DNAH10: variants seen among roughly 807,000 people sequenced by gnomAD.
DNAH10 encodes dynein axonemal heavy chain 10, also known as axonemal beta dynein heavy chain 10.
Under a neutral mutation model 506.6 loss-of-function variants are expected in DNAH10, and 348 were observed. The observed-to-expected ratio is 0.69, with a 90% CI of 0.63 to 0.75. DNAH10 has a LOEUF of 0.75. Ranked by LOEUF, DNAH10 falls within the 30% of genes least tolerant of loss-of-function variation. The pLI is 0.00. For synonymous variants in DNAH10, 2,059 were observed against 2,198.6 expected (o/e 0.94, Z 1.78); for missense variants, 5,179 against 5,787.1 (o/e 0.89, Z 3.41).
chr12:123,921,713 T>G (rs1353551752), intron 65 of DNAH10, among the ~76,000 whole-genome samples: 19 of 127,848 alleles, frequency 1.5e-4, no homozygotes, highest in African/African-American at 4.3e-4. Context: ...TTTTTTTTTT[T>G]TTTTTTTTTT....
Position 123,903,025 on chromosome 12 carries a change from G to T in DNAH10, c.9727G>T (p.Glu3243Ter), listed in dbSNP as rs757406131. Residue 3243 changes from glutamate (E) to a stop codon, truncating the protein, a stop_gained, in exon 57 of 79, where the codon GAG becomes TAG. Coordinates refer to ENST00000673944, the MANE Select transcript of DNAH10 (RefSeq NM_001372106.1). LOFTEE classifies it high-confidence loss of function. The surrounding 1 kb of genome is among the most constrained non-coding windows in gnomAD (Gnocchi z 4.6). ...CATTGCCATGGAGAAGGCCGAGGCCGAGACGACCCTGGCAGAGGTCATGCC... is the reference window on the plus strand; with the variant it reads ...CATTGCCATGGAGAAGGCCGAGGCCTAGACGACCCTGGCAGAGGTCATGCC... ...KVIAMEKAEA[E>*]TTLAEVMPIL... The T allele has an allele frequency of 6.2e-7, 1 of 1,606,360 alleles. No homozygotes were observed. The highest frequency in any genetic ancestry group is 8.5e-7 in the Non-Finnish European group (1 of 1,176,636).
At chr12:123,820,947 G>A (rs1959332668) in intron 24 of DNAH10, among the ~76,000 whole-genome samples, 189 bp downstream of exon 24, 1 of 152,184 alleles carries the variant, frequency 6.6e-6, no homozygotes, top group Non-Finnish European at 1.5e-5. Context: ...CATTTGGGGT[G>A]TTGAAAAAGT....
At chr12:123,866,128 A>G in intron 41 of DNAH10, 55 bp downstream of exon 41, 1 of 1,434,076 alleles carries the variant, frequency 7.0e-7, no homozygotes, top group South Asian at 1.4e-5. Flanking sequence ...GGCTAGTTGG[A>G]TAACATAGTC....
chr12:123,925,323 T>C lies in DNAH10; in HGVS notation c.11921+119T>C. ...GCTCCCGAGACAGCTGTCGCCACCC[T>C]GCTGTACAATATTCGATAGCCGATA... On this transcript the variant is annotated intron_variant, in intron 68 of 78. Coordinates refer to ENST00000673944, the MANE Select transcript of DNAH10 (RefSeq NM_001372106.1). This position sits in a 1 kb window ranked among gnomAD's most constrained non-coding sequence, Gnocchi z 4.0. 7.7e-7 allele frequency: 1 copy of C among 1,306,794 alleles called. No homozygotes were observed. 80.9% of individuals were successfully genotyped at this position (1,306,794 alleles called of 1,614,324 possible). A position where few individuals can be genotyped will look rare whatever the true frequency, so the allele number is the denominator to read the frequency against.
intron 27 of DNAH10, among the ~76,000 whole-genome samples, chr12:123,833,660 A>G (rs1960814375): frequency 2.6e-5 from 4 of 152,300 alleles, no homozygotes; most frequent in Middle Eastern, 3.4e-3. Context: ...CCTTGATGAC[A>G]CTGAAAATTA....
intron 50 of DNAH10, among the ~76,000 whole-genome samples, chr12:123,880,972 A>C (rs2137062365): frequency 6.6e-6 from 1 of 152,108 alleles, no homozygotes; most frequent in Non-Finnish European, 1.5e-5. Flanking sequence ...CCTACAAAGG[A>C]CATGAACTCA....
intron 15 of DNAH10, 139 bp from the exon 16 acceptor site, chr12:123,801,142 T>C (rs1958467256): frequency 2.5e-6 from 2 of 815,274 alleles, no homozygotes; most frequent in Non-Finnish European, 3.7e-6. Flanking sequence ...AGAAGAGTGA[T>C]GTTTTAAATT....
In DNAH10 at chr12:123,800,238, C is replaced by G; in HGVS notation, c.2312C>G (p.Pro771Arg). Reference protein sequence around the residue: ...LTKSSIATEEPSTLERGAVFA... With the variant: ...LTKSSIATEERSTLERGAVFA... Reference sequence around the variant, plus strand: ...CAGTCTTCCATCGCCACAGAGGAGCCTTCGACTTTAGAAAGGGGAGCTGTT... The same window carrying G: ...CAGTCTTCCATCGCCACAGAGGAGCGTTCGACTTTAGAAAGGGGAGCTGTT... Residue 771 changes from proline (P) to arginine (R), a missense_variant, in exon 15 of 79, where the codon CCT becomes CGT. Pro to Arg is a moderately radical substitution (Grantham distance 103). Around this residue, in one of 3 missense-constraint regions of DNAH10, gnomAD observed 4,844 missense variants for 5,430.5 expected, o/e 0.89. Transcript: ENST00000673944. The G allele has an allele frequency of 6.2e-7, 1 of 1,613,894 alleles. No homozygotes were observed. Among genetic ancestry groups the G allele is most frequent in the Non-Finnish European group, 8.5e-7 (1 of 1,179,926 alleles).
chr12:123,887,776 G>A (rs1391260644), intron 52 of DNAH10, among the ~76,000 whole-genome samples: 3 of 149,240 alleles, frequency 2.0e-5, no homozygotes, highest in East Asian at 2.0e-4. Flanking sequence ...ATAGAGTCTC[G>A]TTCTGTCTTC....
intron 57 of DNAH10, among the ~76,000 whole-genome samples, chr12:123,905,611 G>C (rs1041540546): frequency 6.6e-6 from 1 of 151,906 alleles, no homozygotes; most frequent in Non-Finnish European, 1.5e-5. Flanking sequence ...ATTTCTCTTA[G>C]TGTGAGTGAA....
Position 123,913,402 on chromosome 12 carries a change from C to T in DNAH10, c.10352+87C>T, listed in dbSNP as rs780434716. ...CTCGCCATGTTGATTCTTTATCTCA[C>T]GTTGTGTTTTTATGTGAAAACCATG... On this transcript the variant is annotated intron_variant, in intron 60 of 78. Transcript: ENST00000673944. The surrounding 1 kb of genome is among the most constrained non-coding windows in gnomAD (Gnocchi z 5.1). 1.5e-6 allele frequency: 2 copies of T among 1,376,068 alleles called. No individual in the cohort carries two copies. The highest frequency in any genetic ancestry group is 2.5e-5 in the East Asian group (1 of 39,652). 85.2% of individuals were successfully genotyped at this position (1,376,068 alleles called of 1,614,324 possible). A position where few individuals can be genotyped will look rare whatever the true frequency, so the allele number is the denominator to read the frequency against.
chr12:123,867,764 G>A, intron 42 of DNAH10, 139 bp from the exon 43 acceptor site: 2 of 1,317,890 alleles, frequency 1.5e-6, no homozygotes, highest in Non-Finnish European at 2.1e-6. Context: ...TCAAGATACT[G>A]GGTTCCATCT....
chr12:123,908,070 T>C (rs980265643), intron 57 of DNAH10, among the ~76,000 whole-genome samples: 9 of 130,502 alleles, frequency 6.9e-5, no homozygotes, highest in Admixed American at 5.9e-4. Context: ...TCAGGCTGTC[T>C]CCTCCCTGTC....
chr12:123,856,587 C>G (rs1338174781), intron 36 of DNAH10, among the ~76,000 whole-genome samples: 2 of 150,978 alleles, frequency 1.3e-5, no homozygotes, highest in Non-Finnish European at 2.9e-5. Context: ...CCACCTCAGC[C>G]TCCCAAAGTG....
chr12:123,784,141 T>C lies in DNAH10; in HGVS notation c.1194T>C (p.Asn398=), dbSNP rs1957765883. 1.9e-6 allele frequency: 3 copies of C among 1,614,202 alleles called. No individual in the cohort carries two copies. The highest frequency in any genetic ancestry group is 2.2e-5 in the South Asian group (2 of 91,084). Residue 398 remains asparagine (N), a synonymous_variant, in exon 8 of 79, where the codon AAT becomes AAC. Transcript: ENST00000673944. The part of the protein sequence containing the change: ...LFKFHTEASD[N]VRFLSTVERY... Reference sequence around the variant, plus strand: ...AGTTCCACACGGAGGCCTCAGACAATGTGCGCTTTCTCTCCACCGTGGAGC... The same window carrying C: ...AGTTCCACACGGAGGCCTCAGACAACGTGCGCTTTCTCTCCACCGTGGAGC...
rs1246569796 is a variant in DNAH10 at position 123,838,726 on chromosome 12, G to A, written c.5136+37G>A. ...GGGTGTGCAGGGGCTCCCCGTGTAA[G>A]CCTTAGAACCGCCTTCGGTCCTCCC... On this transcript the variant is annotated intron_variant, in intron 29 of 78. Coordinates refer to ENST00000673944, the MANE Select transcript of DNAH10 (RefSeq NM_001372106.1). The A allele has an allele frequency of 8.2e-6, 13 of 1,584,154 alleles. 1 individual carries two copies. The highest frequency in any genetic ancestry group is 1.1e-5 in the Non-Finnish European group (13 of 1,157,568).
At chr12:123,823,985 C>A (rs1044125756) in intron 24 of DNAH10, among the ~76,000 whole-genome samples, 2 of 152,154 alleles carry the variant, frequency 1.3e-5, no homozygotes, top group Non-Finnish European at 2.9e-5. Context: ...TTCCACTCTC[C>A]TTGAAATTTA....
Position 123,917,515 on chromosome 12 carries a change from C to G in DNAH10, c.11003-69C>G. The G allele has an allele frequency of 6.8e-7, 1 of 1,478,052 alleles. No homozygotes were observed. The highest frequency in any genetic ancestry group is 9.2e-7 in the Non-Finnish European group (1 of 1,089,926). The allele number at this position is 1,478,052 out of a possible 1,614,324, so 91.6% of individuals were successfully genotyped here. ...GACCCGCGCTAAGCTTGTCCCGTCA[C>G]AGCAGGGCAGCGGGAGAGACTGTTG... On this transcript the variant is annotated intron_variant, in intron 63 of 78. Coordinates refer to ENST00000673944, the MANE Select transcript of DNAH10 (RefSeq NM_001372106.1). This position sits in a 1 kb window ranked among gnomAD's most constrained non-coding sequence, Gnocchi z 5.6.
In DNAH10 at chr12:123,868,093, T is replaced by C; in HGVS notation, c.7493T>C (p.Val2498Ala). Residue 2498 changes from valine to alanine, a missense_variant, in exon 43 of 79, where the codon GTT becomes GCT. This residue lies in a region of DNAH10 where 4,844 missense variants were observed against 5,430.5 expected (regional missense o/e 0.89). Coordinates refer to ENST00000673944, the MANE Select transcript of DNAH10 (RefSeq NM_001372106.1). ...TTGTCTACTGTTGACACAGAAGGAGTTTGGGCCAACCCTGGGGAACTGCCA... is the reference window on the plus strand; with the variant it reads ...TTGTCTACTGTTGACACAGAAGGAGCTTGGGCCAACCCTGGGGAACTGCCA... ...ASLSTVDTEG[V>A]WANPGELPGQ... 1 of 1,613,382 alleles carries C rather than the reference T, an allele frequency of 6.2e-7. No homozygotes were observed. The highest frequency in any genetic ancestry group is 8.5e-7 in the Non-Finnish European group (1 of 1,179,836).
Sources: gnomAD v4.1 joint callset for allele counts (sites outside exome capture counted in the v4.1 genomes callset) on GRCh38, gnomAD v4.1.1 for gene constraint, gnomAD v4.1.1 regional missense constraint, Gnocchi (gnomAD v3.1) non-coding constraint, MANE v1.5 for transcripts, NCBI Gene and HGNC (gene_info 2026-07-23, HGNC 2026-07-21) for gene names.